The following EARS2 variants were observed in gnomAD, a reference collection of about 807,000 sequenced individuals.
EARS2 encodes the protein nondiscriminating glutamyl-tRNA synthetase EARS2, mitochondrial.
Under a neutral mutation model 54.1 loss-of-function variants are expected in EARS2, and 50 were observed. That is an observed-to-expected ratio of 0.92 (90% confidence interval 0.74 to 1.17). The LOEUF is 1.17. Ranked by LOEUF, EARS2 falls within the 50% of genes most tolerant of loss-of-function variation. The pLI is 0.00. For synonymous variants in EARS2, 298 were observed against 281.0 expected (o/e 1.06, Z -0.61); for missense variants, 673 against 675.0 (o/e 1.00, Z 0.03).
At chr16:23,542,993 T>C (rs1040406626) in intron 3 of EARS2, among the ~76,000 whole-genome samples, 1 of 150,774 alleles carries the variant, frequency 6.6e-6, no homozygotes, top group African/African-American at 2.4e-5. Flanking sequence ...CATGTGCCTG[T>C]AGTCCCAGCT....
rs533591079 is a variant in EARS2 at position 23,539,996 on chromosome 16, C to CA, written c.485+4517dup. On this transcript the variant is annotated intron_variant, in intron 3 of 8. Coordinates refer to ENST00000449606, the MANE Select transcript of EARS2 (RefSeq NM_001083614.2). ...GAAACCCCGTCTCTACCAAAAAATA[C>CA]AAAAAAAATTTGCCGGGCATGGCGG... Among the ~76,000 whole-genome samples the CA allele has an allele frequency of 9.6e-3, 1,465 of 151,886 alleles. 12 individuals carry two copies. The highest frequency in any genetic ancestry group is 0.02 in the South Asian group (95 of 4,792).
chr16:23,549,018 T>A (rs542202269), intron 2 of EARS2, among the ~76,000 whole-genome samples: 1 of 152,296 alleles, frequency 6.6e-6, no homozygotes, highest in Non-Finnish European at 1.5e-5. Flanking sequence ...CACTCTATGG[T>A]ACCTGCACAC....
intron 1 of EARS2, 88 bp downstream of exon 1, chr16:23,557,117 C>T: frequency 6.8e-7 from 1 of 1,472,014 alleles, no homozygotes; most frequent in Non-Finnish European, 8.9e-7. Flanking sequence ...CACTCTGACA[C>T]CACCGGAAAG....
At chr16:23,554,848 T>C (rs926272202) in intron 1 of EARS2, among the ~76,000 whole-genome samples, 2 of 152,194 alleles carry the variant, frequency 1.3e-5, no homozygotes, top group African/African-American at 4.8e-5. Flanking sequence ...GTCAGAGGGA[T>C]TAAGAGCAAA....
intron 3 of EARS2, among the ~76,000 whole-genome samples, chr16:23,541,535 A>G (rs1332196719): frequency 6.6e-6 from 1 of 152,198 alleles, no homozygotes; most frequent in Non-Finnish European, 1.5e-5. Flanking sequence ...TACCATGTGA[A>G]TAAGGAAAAA....
At chr16:23,556,649 G>A in intron 1 of EARS2, 3 of 321,732 alleles carry the variant, frequency 9.3e-6, no homozygotes, top group South Asian at 2.5e-5. Flanking sequence ...GTGAGCCACC[G>A]CGCCTGGCCT....
chr16:23,556,712 G>C (rs1965793564), intron 1 of EARS2: 3 of 357,398 alleles, frequency 8.4e-6, no homozygotes, highest in Admixed American at 7.8e-5. Context: ...TTGTCATTTG[G>C]ATCTCAGCTC....
chr16:23,526,895 GA>G (rs1965237839), intron 7 of EARS2, among the ~76,000 whole-genome samples: 2 of 152,204 alleles, frequency 1.3e-5, no homozygotes, highest in African/African-American at 4.8e-5. Flanking sequence ...TTAGTCAAGA[GA>G]TGGGAATAGG....
chr16:23,548,425 A>C (rs1363080298), intron 2 of EARS2, among the ~76,000 whole-genome samples: 1 of 152,052 alleles, frequency 6.6e-6, no homozygotes, highest in African/African-American at 2.4e-5. Context: ...TCTCACAATG[A>C]TGCTGCCCCA....
chr16:23,532,347 G>A (rs969689642), intron 5 of EARS2, among the ~76,000 whole-genome samples: 5 of 152,290 alleles, frequency 3.3e-5, no homozygotes, highest in Admixed American at 3.3e-4. Context: ...CATGCAAGGG[G>A]TGGCTAGGAA....
chr16:23,543,232 A>C (rs1230248874), intron 3 of EARS2, among the ~76,000 whole-genome samples: 1 of 151,668 alleles, frequency 6.6e-6, no homozygotes, highest in East Asian at 1.9e-4. Flanking sequence ...CAGCCTGGGC[A>C]ACATAGTGAG....
intron 2 of EARS2, among the ~76,000 whole-genome samples, chr16:23,546,810 C>T (rs991496451): frequency 2.0e-5 from 3 of 152,342 alleles, no homozygotes; most frequent in African/African-American, 4.8e-5. Context: ...CCTCTTGCCT[C>T]GGCTTCCCAG....
chr16:23,530,248 C>T (rs1045872164), intron 5 of EARS2, among the ~76,000 whole-genome samples: 1 of 152,148 alleles, frequency 6.6e-6, no homozygotes, highest in African/African-American at 2.4e-5. Context: ...ATCTCACCCT[C>T]CCAAGTAGCT....
At chr16:23,531,367 T>G (rs910287043) in intron 5 of EARS2, among the ~76,000 whole-genome samples, 14 of 151,736 alleles carry the variant, frequency 9.2e-5, no homozygotes, top group African/African-American at 1.7e-4. Flanking sequence ...TTCACACCAT[T>G]CTTCTGCCTC....
intron 7 of EARS2, among the ~76,000 whole-genome samples, chr16:23,529,194 C>T (rs900568253): frequency 6.6e-6 from 1 of 152,176 alleles, no homozygotes; most frequent in Non-Finnish European, 1.5e-5. Context: ...GAAAAGGAAG[C>T]TCAAATAGGT....
rs780761090 is a variant in EARS2, at chr16:23,532,749, C to T, written c.975G>A (p.Arg325=). ...ACTGTGTGATCAGCTCCGGCAGGGT[C>T]CTGCCCATTTGGTTCTCTGCAAAGA... The part of the protein sequence containing the change: ...GSGFAENQMG[R]TLPELITQFN... The change falls in exon 5 of 9, where the codon AGG becomes AGA. Residue 325 remains arginine (R), a synonymous_variant. Transcript: ENST00000449606. 4.3e-6 allele frequency: 7 copies of T among 1,613,440 alleles called. No homozygotes were observed. The African/African-American group carries it at 9.3e-5, about 22-fold the overall frequency.
At chr16:23,550,955 T>A (rs1478985953) in intron 2 of EARS2, 1 of 152,196 alleles carries the variant, frequency 6.6e-6, no homozygotes, top group African/African-American at 2.4e-5. Flanking sequence ...CACACTCCTC[T>A]TTGTTCTCCC....
At position 23,544,571 on chromosome 16, in the gene EARS2, G is replaced by C. The variant is rs564418229; in HGVS notation, c.428C>G (p.Ser143Ter). The C allele has an allele frequency of 1.3e-5, 21 of 1,614,172 alleles. No homozygotes were observed. Among genetic ancestry groups the C allele is most frequent in the East Asian group, 2.2e-5 (1 of 44,882 alleles). The part of the protein sequence containing the change: ...KTGAAYPCFC[S>*]PQRLELLKKE... ...CTTCAGGAGCTCCAGCCGCTGGGGT[G>C]AGCAGAAACAGGGGTAAGCAGCTCC... Residue 143 changes from serine (S) to a stop codon, truncating the protein, a stop_gained, in exon 3 of 9, where the codon TCA becomes TGA. Coordinates refer to ENST00000449606, the MANE Select transcript of EARS2 (RefSeq NM_001083614.2). LOFTEE classifies it high-confidence loss of function.
rs1035746831 is a variant in EARS2, at chr16:23,544,570, T to C, written c.429A>G (p.Ser143=). ...TCTTCAGGAGCTCCAGCCGCTGGGGTGAGCAGAAACAGGGGTAAGCAGCTC... is the reference window on the plus strand; with the variant it reads ...TCTTCAGGAGCTCCAGCCGCTGGGGCGAGCAGAAACAGGGGTAAGCAGCTC... ...KTGAAYPCFC[S]PQRLELLKKE... The change falls in exon 3 of 9, where the codon TCA becomes TCG. Residue 143 remains serine, a synonymous_variant. Coordinates refer to ENST00000449606, the MANE Select transcript of EARS2 (RefSeq NM_001083614.2). The C allele has an allele frequency of 1.9e-6, 3 of 1,614,060 alleles. No individual in the cohort carries two copies. The Admixed American group carries it at 5.0e-5, about 27-fold the overall frequency.
Sources: allele counts gnomAD v4.1 joint callset (sites outside exome capture counted in the v4.1 genomes callset), GRCh38; gene constraint gnomAD v4.1.1; transcripts MANE v1.5; gene names NCBI Gene and HGNC (gene_info 2026-07-23, HGNC 2026-07-21).